The following NRDC variants were observed in gnomAD, a reference collection of about 807,000 sequenced individuals.
The protein encoded by NRDC is nardilysin.
Under a neutral mutation model 147.1 loss-of-function variants are expected in NRDC, and 54 were observed. The ratio of observed to expected loss-of-function variants is 0.37; its 90% CI spans 0.29 to 0.46. The LOEUF is 0.46. NRDC is among the 20% of genes least tolerant of loss of function. The probability of loss-of-function intolerance (pLI) is 1.00; values close to 1 mark genes in which losing one functional copy is unlikely to be tolerated. For missense variants in NRDC, 1,082 were observed against 1,370.6 expected, an observed-to-expected ratio of 0.79 and a Z score of 3.33; for synonymous variants, 440 against 482.1, an observed-to-expected ratio of 0.91 and a Z score of 1.14.
chr1:51,812,264 T>C lies in NRDC; in HGVS notation c.1675-166A>G, dbSNP rs540030774. Among the ~76,000 whole-genome samples the C allele has an allele frequency of 2.6e-5, 4 of 152,354 alleles. No homozygotes were observed. The South Asian group carries it at 8.3e-4, about 32-fold the overall frequency. On this transcript the variant is annotated intron_variant, in intron 14 of 30. Transcript: ENST00000352171. ...CTTAAGAATCTGATGCTCAGTAGGCTGGACATAGTGGCTCACGCCTGTAAT... is the reference window on the plus strand; with the variant it reads ...CTTAAGAATCTGATGCTCAGTAGGCCGGACATAGTGGCTCACGCCTGTAAT...
At chr1:51,868,279 G>C (rs765456869) in intron 1 of NRDC, among the ~76,000 whole-genome samples, 1 of 152,096 alleles carries the variant, frequency 6.6e-6, no homozygotes, top group Non-Finnish European at 1.5e-5. Flanking sequence ...ACTACATGTG[G>C]GAAGGGACGA....
chr1:51,791,186 AC>A (rs1445412291), intron 27 of NRDC, among the ~76,000 whole-genome samples, 196 bp from the exon 28 acceptor site: 5 of 151,876 alleles, frequency 3.3e-5, no homozygotes, highest in Non-Finnish European at 5.9e-5. Context: ...CCTCCCCCTC[AC>A]CCCACCTCCA....
Position 51,866,601 on chromosome 1 carries a change from T to C in NRDC, c.341+11674A>G, listed in dbSNP as rs149447240. Among the ~76,000 whole-genome samples the C allele has an allele frequency of 3.3e-5, 5 of 151,936 alleles. No homozygotes were observed. In the East Asian group the frequency reaches 7.7e-4, roughly 23 times the overall value. On this transcript the variant is annotated intron_variant, in intron 1 of 30. Coordinates refer to ENST00000352171, the MANE Select transcript of NRDC (RefSeq NM_001101662.2). ...ACAATAGGAAAATAGATAATAACGA[T>C]GTATTCATCAACAAAATATTAAACA...
intron 4 of NRDC, among the ~76,000 whole-genome samples, chr1:51,832,337 A>G (rs1476306974): frequency 6.6e-6 from 1 of 152,122 alleles, no homozygotes; most frequent in Non-Finnish European, 1.5e-5. Flanking sequence ...GTGAGCCACC[A>G]CACCAGGCCA....
chr1:51,799,793 T>C (rs1176150428), intron 21 of NRDC, among the ~76,000 whole-genome samples: 1 of 152,228 alleles, frequency 6.6e-6, no homozygotes, highest in Admixed American at 6.5e-5. Context: ...GGGGGTTGCC[T>C]GTGAGCAGAG....
At chr1:51,827,977 T>C (rs767174509) in intron 4 of NRDC, 108 bp from the exon 5 acceptor site, 21 of 804,842 alleles carry the variant, frequency 2.6e-5, no homozygotes, top group Non-Finnish European at 4.4e-5. Context: ...TTCACAATCC[T>C]AAGTATATAA....
chr1:51,870,775 G>A (rs1683044515), intron 1 of NRDC, among the ~76,000 whole-genome samples: 1 of 143,990 alleles, frequency 6.9e-6, no homozygotes, highest in Admixed American at 6.7e-5. Context: ...TATGAATACA[G>A]ACAGTATTAA....
At chr1:51,875,242 T>A (rs1683264806) in intron 1 of NRDC, among the ~76,000 whole-genome samples, 1 of 152,202 alleles carries the variant, frequency 6.6e-6, no homozygotes. Context: ...TCTTCAAAAG[T>A]CTAATTGAAA....
intron 1 of NRDC, among the ~76,000 whole-genome samples, chr1:51,847,062 G>C (rs1247912743): frequency 1.3e-5 from 2 of 151,934 alleles, no homozygotes; most frequent in Non-Finnish European, 2.9e-5. Context: ...CCTTTAGCTA[G>C]ACATAAAGGT....
chr1:51,819,760 A>T, intron 9 of NRDC, 40 bp downstream of exon 9: 1 of 1,480,992 alleles, frequency 6.8e-7, no homozygotes, highest in Non-Finnish European at 9.3e-7. Flanking sequence ...AGAATGTGCT[A>T]ACATTATTTC....
intron 1 of NRDC, among the ~76,000 whole-genome samples, chr1:51,872,141 G>C (rs1471155559): frequency 6.6e-6 from 1 of 152,206 alleles, no homozygotes; most frequent in African/African-American, 2.4e-5. Context: ...AAAGTGCTGG[G>C]ATTACAGGCG....
intron 22 of NRDC, among the ~76,000 whole-genome samples, chr1:51,797,016 C>T (rs1489720085): frequency 1.3e-5 from 2 of 151,582 alleles, no homozygotes; most frequent in South Asian, 2.1e-4. Context: ...CTGGCCAACA[C>T]GGTGAAATCC....
intron 17 of NRDC, 114 bp downstream of exon 17, chr1:51,809,201 G>T: frequency 1.3e-6 from 1 of 790,070 alleles, no homozygotes; most frequent in Non-Finnish European, 2.1e-6. Context: ...ACCTCAGAAT[G>T]TTACTGGGAA....
chr1:51,817,931 C>A, intron 10 of NRDC, 135 bp downstream of exon 10: 1 of 642,278 alleles, frequency 1.6e-6, no homozygotes, highest in Non-Finnish European at 2.7e-6. Context: ...TTGAAAGCTC[C>A]CGGAGTAATC....
chr1:51,850,456 G>A (rs1681893367), intron 1 of NRDC, among the ~76,000 whole-genome samples: 1 of 152,138 alleles, frequency 6.6e-6, no homozygotes, highest in Admixed American at 6.5e-5. Context: ...ACAGAACAGG[G>A]ACACCTTTTA....
intron 1 of NRDC, among the ~76,000 whole-genome samples, chr1:51,876,168 G>GA (rs879661075): frequency 3.4e-4 from 51 of 152,112 alleles, no homozygotes; most frequent in Non-Finnish European, 6.9e-4. Context: ...ATATAGGCTG[G>GA]AAAAAACCCT....
At position 51,820,212 on chromosome 1, in the gene NRDC, G is replaced by C. The variant is rs184738299; in HGVS notation, c.1218-339C>G. Among the ~76,000 whole-genome samples the C allele has an allele frequency of 6.5e-4, 99 of 152,210 alleles. 2 individuals are homozygous for C. The East Asian group carries it at 0.018, about 27-fold the overall frequency. ...AGCCATTCCAGAAAGAAACAAACTAGAGATAATACTTTTTTAAAATCAACG... is the reference window on the plus strand; with the variant it reads ...AGCCATTCCAGAAAGAAACAAACTACAGATAATACTTTTTTAAAATCAACG... On this transcript the variant is annotated intron_variant, in intron 8 of 30. Transcript: ENST00000352171.
intron 1 of NRDC, among the ~76,000 whole-genome samples, chr1:51,863,013 GAAAAAAA>G (rs562410956): frequency 1.6e-4 from 5 of 32,048 alleles, no homozygotes; most frequent in Non-Finnish European, 2.5e-4. Flanking sequence ...CTGTGTGGAG[GAAAAAAA>G]AAAAAAAAAA....
intron 9 of NRDC, among the ~76,000 whole-genome samples, chr1:51,819,343 G>A (rs542395576): frequency 6.6e-6 from 1 of 151,606 alleles, no homozygotes; most frequent in Non-Finnish European, 1.5e-5. Flanking sequence ...TCTCTTCATG[G>A]TAAGATTTAA....
Sources: gnomAD v4.1 joint callset for allele counts (sites outside exome capture counted in the v4.1 genomes callset) on GRCh38, gnomAD v4.1.1 for gene constraint, MANE v1.5 for transcripts, NCBI Gene and HGNC (gene_info 2026-07-23, HGNC 2026-07-21) for gene names.